The following MAD1L1 variants were observed in gnomAD, a reference collection of about 807,000 sequenced individuals.
MAD1L1 encodes mitotic spindle assembly checkpoint protein MAD1.
Under a neutral mutation model 96.9 loss-of-function variants are expected in MAD1L1, and 95 were observed. The ratio of observed to expected loss-of-function variants is 0.98; its 90% CI spans 0.83 to 1.16. MAD1L1 has a LOEUF of 1.16. Among genes scored for constraint, MAD1L1 ranks in the 50% most tolerant of loss-of-function variants. MAD1L1 has a pLI of 0.00. For missense variants in MAD1L1, 1,007 were observed against 954.4 expected (o/e 1.06, Z -0.73); for synonymous variants, 473 against 396.6 (o/e 1.19, Z -2.29).
chr7:1,960,499 G>C (rs1779909114), intron 15 of MAD1L1, among the ~76,000 whole-genome samples: 1 of 152,130 alleles, frequency 6.6e-6, no homozygotes, highest in South Asian at 2.1e-4. Flanking sequence ...GCAAGAGAAA[G>C]CCAGAGACGC....
chr7:2,098,532 T>A (rs921133033), intron 11 of MAD1L1, among the ~76,000 whole-genome samples: 2 of 152,174 alleles, frequency 1.3e-5, no homozygotes, highest in East Asian at 1.9e-4. Context: ...CAAGCCATCA[T>A]GTGTATGGTC....
rs1333915994 is a variant in MAD1L1, at chr7:2,219,517, T to A, written c.472-61A>T. 11 of 1,578,300 alleles carry A rather than the reference T, an allele frequency of 7.0e-6. No homozygotes were observed. In the South Asian group the frequency reaches 1.1e-4, roughly 16 times the overall value. On this transcript the variant is annotated intron_variant, in intron 5 of 18. Transcript: ENST00000265854. ...GTGGAGCCCGTGCGTGGAAGGAGCC[T>A]GCACATGGAGATGAGAAGAGTGGAG...
At chr7:1,965,450 C>T (rs887345252) in intron 15 of MAD1L1, among the ~76,000 whole-genome samples, 2 of 152,212 alleles carry the variant, frequency 1.3e-5, no homozygotes, top group Admixed American at 1.3e-4. Context: ...AACATCGTGG[C>T]TCTTCTCTCG....
intron 10 of MAD1L1, among the ~76,000 whole-genome samples, chr7:2,162,919 G>C (rs185037151): frequency 6.7e-6 from 1 of 149,410 alleles, no homozygotes; most frequent in African/African-American, 2.5e-5. Flanking sequence ...CACCGCTCAT[G>C]ATTGTTAGCT....
At chr7:1,824,504 C>T (rs1414997458) in intron 18 of MAD1L1, among the ~76,000 whole-genome samples, 1 of 152,190 alleles carries the variant, frequency 6.6e-6, no homozygotes. Context: ...GCAGCTGCCC[C>T]GTGCCCTGGC....
chr7:1,941,927 T>A (rs1459393228), intron 16 of MAD1L1, among the ~76,000 whole-genome samples: 1 of 152,032 alleles, frequency 6.6e-6, no homozygotes, highest in East Asian at 1.9e-4. Flanking sequence ...CGTCTTTCTG[T>A]AAGTTCAGGG....
intron 14 of MAD1L1, among the ~76,000 whole-genome samples, chr7:1,997,177 A>G (rs536793337): frequency 6.6e-6 from 1 of 152,364 alleles, no homozygotes; most frequent in East Asian, 1.9e-4. Context: ...GCAATTAACT[A>G]AAGATTTAAA....
chr7:2,069,162 G>A lies in MAD1L1; in HGVS notation c.1218+32C>T, dbSNP rs772476127. On this transcript the variant is annotated intron_variant, in intron 12 of 18. Transcript: ENST00000265854. ...TGTGCACTGACCCGCAGCTCCCTGC[G>A]ACTCTGATCAAGATGTAAGGGCATA... 1.2e-5 allele frequency: 18 copies of A among 1,536,470 alleles called. 1 individual carries two copies. The highest frequency in any genetic ancestry group is 3.9e-5 in the Admixed American group (2 of 51,408).
At chr7:1,942,434 G>A (rs530958444) in intron 16 of MAD1L1, among the ~76,000 whole-genome samples, 7 of 152,332 alleles carry the variant, frequency 4.6e-5, no homozygotes, top group East Asian at 3.9e-4. Flanking sequence ...TCCATGCCTC[G>A]GAGCCCGCGC....
chr7:2,123,292 G>A (rs58783227), intron 11 of MAD1L1, among the ~76,000 whole-genome samples: 2,796 of 131,382 alleles, frequency 0.021, 96 homozygotes, highest in African/African-American at 0.072. Flanking sequence ...GCGACAGAGC[G>A]AGACTCCATC....
At chr7:1,969,970 G>A (rs980306847) in intron 15 of MAD1L1, among the ~76,000 whole-genome samples, 1 of 152,192 alleles carries the variant, frequency 6.6e-6, no homozygotes, top group Non-Finnish European at 1.5e-5. Context: ...CCACCACCAG[G>A]GAGACTCATA....
rs567540203 is a variant in MAD1L1 at position 2,076,336 on chromosome 7, C to T, written c.1074-6998G>A. 3.3e-5 allele frequency among the ~76,000 whole-genome samples: 5 copies of T among 152,336 alleles called. No individual in the cohort carries two copies. In the South Asian group the frequency reaches 6.2e-4, roughly 19 times the overall value. ...AGGGCGGAGTGCTCCCAATGGGATG[C>T]GCAAGTTGTAAGCAGCACAAAGCTC... On this transcript the variant is annotated intron_variant, in intron 11 of 18. Transcript: ENST00000265854.
intron 18 of MAD1L1, among the ~76,000 whole-genome samples, chr7:1,861,906 C>A (rs944846473): frequency 3.3e-5 from 5 of 151,686 alleles, no homozygotes; most frequent in Admixed American, 2.0e-4. Context: ...GCTCCGCCTG[C>A]CCCCTGGTTG....
intron 12 of MAD1L1, among the ~76,000 whole-genome samples, chr7:2,030,350 G>C (rs1048776143): frequency 2.6e-5 from 4 of 152,236 alleles, no homozygotes; most frequent in Non-Finnish European, 5.9e-5. Flanking sequence ...GATGGTGACT[G>C]AATTAGAGGG....
intron 17 of MAD1L1, among the ~76,000 whole-genome samples, chr7:1,904,425 G>A (rs1286855724): frequency 1.4e-5 from 2 of 141,096 alleles, no homozygotes; most frequent in Admixed American, 6.9e-5. Context: ...AGGACACAGT[G>A]GCCTATGAAA....
intron 17 of MAD1L1, among the ~76,000 whole-genome samples, chr7:1,931,553 T>C (rs1789479385): frequency 1.3e-5 from 2 of 152,226 alleles, no homozygotes; most frequent in African/African-American, 4.8e-5. Flanking sequence ...TGCATTTCTC[T>C]GGAATACACA....
At chr7:2,224,628 CCCG>C (rs1339857157) in intron 4 of MAD1L1, among the ~76,000 whole-genome samples, 2 of 152,184 alleles carry the variant, frequency 1.3e-5, no homozygotes, top group Admixed American at 6.5e-5. Context: ...TGGACATCCA[CCCG>C]CCAAGAGAGG....
At chr7:2,167,020 G>A (rs1043801462) in intron 10 of MAD1L1, among the ~76,000 whole-genome samples, 3 of 152,184 alleles carry the variant, frequency 2.0e-5, no homozygotes, top group Non-Finnish European at 4.4e-5. Context: ...TGTAGCTCAC[G>A]GGGCTAGAAC....
Position 2,178,855 on chromosome 7 carries a change from T to C in MAD1L1, c.987-29617A>G, listed in dbSNP as rs1365686051. ...GAGGTTGCAGTGAGCTGAGATCACA[T>C]CACTGCACTTCAGCCTAGGCGACAC... On this transcript the variant is annotated intron_variant, in intron 10 of 18. Coordinates refer to ENST00000265854, the MANE Select transcript of MAD1L1 (RefSeq NM_001013836.2). 6.8e-5 allele frequency among the ~76,000 whole-genome samples: 10 copies of C among 146,712 alleles called. No homozygotes were observed. The East Asian group carries it at 1.8e-3, about 27-fold the overall frequency.
Sources: allele counts gnomAD v4.1 joint callset (sites outside exome capture counted in the v4.1 genomes callset), GRCh38; gene constraint gnomAD v4.1.1; transcripts MANE v1.5; gene names NCBI Gene and HGNC (gene_info 2026-07-23, HGNC 2026-07-21).